Variants in PLD4 observed in about 807,000 individuals in gnomAD.
PLD4 encodes the protein phospholipase D family member 4.
In PLD4, 54 loss-of-function variants were observed where a neutral mutation model predicts 52.3. The observed-to-expected ratio is 1.03, with a 90% CI of 0.83 to 1.30. PLD4 has a LOEUF of 1.30. Ranked by LOEUF, PLD4 falls within the 50% of genes most tolerant of loss-of-function variation. The pLI is 0.00. For missense variants in PLD4, 731 were observed against 671.1 expected (o/e 1.09, Z -0.99); for synonymous variants, 264 against 286.5 (o/e 0.92, Z 0.79).
rs768977107 is a variant in PLD4, at chr14:104,927,824, A to C, written c.242A>C (p.Glu81Ala). Residue 81 changes from glutamate to alanine, a missense_variant, in exon 3 of 11, where the codon GAG becomes GCG. By Grantham distance (107) the Glu-to-Ala change is moderately radical. Coordinates refer to ENST00000392593, the MANE Select transcript of PLD4 (RefSeq NM_138790.5). ...SWEHGSSPAW[E>A]PLEAEARQQR... ...GAGCATGGCTCCAGCCCAGCTTGGGAGCCCCTGGAAGCAGAGGCCAGGCAG... is the reference window on the plus strand; with the variant it reads ...GAGCATGGCTCCAGCCCAGCTTGGGCGCCCCTGGAAGCAGAGGCCAGGCAG... The C allele has an allele frequency of 4.4e-6, 7 of 1,588,744 alleles. No individual in the cohort carries two copies. The Admixed American group carries it at 1.0e-4, about 23-fold the overall frequency.
intron 7 of PLD4, 54 bp downstream of exon 7, chr14:104,930,996 C>T: frequency 6.3e-7 from 1 of 1,582,840 alleles, no homozygotes; most frequent in Middle Eastern, 1.7e-4. Context: ...CCCTGGCTGG[C>T]CAGACCCACA....
chr14:104,931,637 G>T, intron 7 of PLD4, 111 bp from the exon 8 acceptor site: 1 of 1,389,044 alleles, frequency 7.2e-7, no homozygotes. Context: ...CCAGGCACCT[G>T]GGCCCCCTCC....
chr14:104,933,021 C>T lies in PLD4; in HGVS notation c.*57C>T. On this transcript the variant is annotated 3_prime_UTR_variant, in exon 11 of 11. Transcript: ENST00000392593. ...CCCGCACGCGCCCTCCCCTCTGACC[C>T]CGGCCTGGGCTTCAGCCGCTTCCTC... The T allele has an allele frequency of 6.8e-7, 1 of 1,475,838 alleles. No individual in the cohort carries two copies. Among genetic ancestry groups the T allele is most frequent in the Non-Finnish European group, 9.0e-7 (1 of 1,111,944 alleles). 91.4% of individuals were successfully genotyped at this position (1,475,838 alleles called of 1,614,324 possible). A position where few individuals can be genotyped will look rare whatever the true frequency, so the allele number is the denominator to read the frequency against.
intron 5 of PLD4, 74 bp from the exon 6 acceptor site, chr14:104,929,904 C>A: frequency 6.5e-7 from 1 of 1,549,520 alleles, no homozygotes; most frequent in South Asian, 1.2e-5. Flanking sequence ...CTGTCAAGAG[C>A]TTGGGGTCAG....
Position 104,930,244 on chromosome 14 carries a change from C to T in PLD4, c.717+139C>T, listed in dbSNP as rs548005155. 31 of 1,161,330 alleles carry T rather than the reference C, an allele frequency of 2.7e-5. No homozygotes were observed. In the East Asian group the frequency reaches 4.1e-4, roughly 15 times the overall value. 71.9% of individuals were successfully genotyped at this position (1,161,330 alleles called of 1,614,324 possible). ...TACAATTCACTATGGTAGAAACAAC[C>T]GGAGACTGGTCTAATAAATGATAGA... On this transcript the variant is annotated intron_variant, in intron 6 of 10. Transcript: ENST00000392593.
Position 104,929,331 on chromosome 14 carries a change from CA to C in PLD4, c.494del (p.Gln165ArgfsTer73). ...GGGAGAGGCTCTTCTGCAGAAGCTG[CA>C]GCAGCTGCTGGGCAGGAACATTTCC... The part of the protein sequence containing the change: ...QLGEALLQKL[Q>X]QLLGRNISLA... On this transcript the variant is annotated frameshift_variant, in exon 5 of 11. Transcript: ENST00000392593. LOFTEE classifies it high-confidence loss of function. The C allele has an allele frequency of 6.3e-7, 1 of 1,578,718 alleles. No individual in the cohort carries two copies. The highest frequency in any genetic ancestry group is 8.6e-7 in the Non-Finnish European group (1 of 1,162,686).
chr14:104,927,436 G>C (rs939879853), intron 2 of PLD4, among the ~76,000 whole-genome samples: 1 of 152,152 alleles, frequency 6.6e-6, no homozygotes, highest in Non-Finnish European at 1.5e-5. Context: ...CAGTTACCAC[G>C]AGCCACAGCA....
downstream of PLD4, chr14:104,937,126 T>C (rs1897830026): frequency 6.6e-6 from 1 of 152,200 alleles, no homozygotes; most frequent in Non-Finnish European, 1.5e-5. Context: ...GGATGATAGG[T>C]AGGCAACCAC....
intron 7 of PLD4, 72 bp downstream of exon 7, chr14:104,931,014 CT>C (rs1897627574): frequency 2.6e-6 from 4 of 1,539,564 alleles, no homozygotes. Context: ...ACAGGGAGCC[CT>C]CTGGGCTGGC....
rs1313455872 is a variant in PLD4 at position 104,928,905 on chromosome 14, C to T, written c.441C>T (p.Ile147=). ...ACTGGTCCCTCACAGGGCCTGACAT[C>T]GGGGTCAACGACTCGTCTTCCCAGC... ...SYYWSLTGPD[I]GVNDSSSQLG... The change falls in exon 4 of 11, where the codon ATC becomes ATT. Residue 147 remains isoleucine, a synonymous_variant. Transcript: ENST00000392593. 5.0e-6 allele frequency: 8 copies of T among 1,605,160 alleles called. No homozygotes were observed. The highest frequency in any genetic ancestry group is 1.1e-5 in the South Asian group (1 of 90,826).
chr14:104,931,814 G>T lies in PLD4; in HGVS notation c.985G>T (p.Gly329Trp). The change falls in exon 8 of 11, where the codon GGG becomes TGG. Residue 329 changes from glycine to tryptophan, a missense_variant. Transcript: ENST00000392593. ...RDLEALLAVM[G>W]SAQEFIYASV... The stretch of plus-strand genomic sequence containing the variant: ...CCTGGAGGCGCTGCTGGCGGTGATG[G>T]GGAGCGCCCAGGAGTTCATCTATGC... 6.3e-7 allele frequency: 1 copy of T among 1,580,036 alleles called. No individual in the cohort carries two copies. Among genetic ancestry groups the T allele is most frequent in the East Asian group, 2.3e-5 (1 of 43,666 alleles).
chr14:104,930,513 C>T (rs950676017), intron 6 of PLD4: 12 of 595,042 alleles, frequency 2.0e-5, no homozygotes, highest in Admixed American at 3.0e-5. Context: ...TTGTAATAAA[C>T]GTGTATTGCT....
intron 5 of PLD4, 90 bp from the exon 6 acceptor site, chr14:104,929,888 A>AC: frequency 6.8e-7 from 1 of 1,479,520 alleles, no homozygotes. Flanking sequence ...ATCTGAGTCA[A>AC]CCCCACTGTC....
chr14:104,924,885 G>A lies in PLD4; in HGVS notation c.-106G>A, dbSNP rs1029010500. On this transcript the variant is annotated 5_prime_UTR_variant, in exon 1 of 11. Transcript: ENST00000392593. The surrounding 1 kb of genome is among the most constrained non-coding windows in gnomAD (Gnocchi z 4.4). ...AGAGGAGGAGGTGAGCTGCAGAGAA[G>A]AGGAGGTTGGTGTGGAGCACAGGCA... 1 of 153,344 alleles carries A rather than the reference G, an allele frequency of 6.5e-6. No homozygotes were observed. Among genetic ancestry groups the A allele is most frequent in the South Asian group, 2.1e-4 (1 of 4,856 alleles). The allele number at this position is 153,344 out of a possible 1,614,324, so 9.5% of individuals were successfully genotyped here.
Position 104,932,622 on chromosome 14 carries a change from G to C in PLD4, c.1322-143G>C, listed in dbSNP as rs1234289452. 1 of 924,324 alleles carries C rather than the reference G, an allele frequency of 1.1e-6. No individual in the cohort carries two copies. 57.3% of individuals were successfully genotyped at this position (924,324 alleles called of 1,614,324 possible). ...GCTGTCCCTCCCGCACCTAAGCGAG[G>C]GGCTTCCCCGGCTGGAGTCTGATGA... On this transcript the variant is annotated intron_variant, in intron 10 of 10. Coordinates refer to ENST00000392593, the MANE Select transcript of PLD4 (RefSeq NM_138790.5). The surrounding 1 kb of genome is among the most constrained non-coding windows in gnomAD (Gnocchi z 6.5).
chr14:104,928,389 G>T (rs962568041), intron 3 of PLD4, among the ~76,000 whole-genome samples: 1 of 152,180 alleles, frequency 6.6e-6, no homozygotes, highest in African/African-American at 2.4e-5. Flanking sequence ...AGACTCCACA[G>T]CTCTGCTCTA....
chr14:104,929,063 G>A, intron 4 of PLD4, 131 bp downstream of exon 4: 1 of 1,298,808 alleles, frequency 7.7e-7, no homozygotes, highest in Non-Finnish European at 1.0e-6. Context: ...ATGGAACAGG[G>A]ATTAGGCCGC....
intron 6 of PLD4, among the ~76,000 whole-genome samples, chr14:104,930,317 A>C (rs747095898): frequency 5.9e-5 from 9 of 152,244 alleles, no homozygotes; most frequent in Non-Finnish European, 1.2e-4. Flanking sequence ...ATTCAATGAC[A>C]TGGAAAGATG....
chr14:104,926,990 C>G (rs1191626793), intron 1 of PLD4, 151 bp from the exon 2 acceptor site: 9 of 607,030 alleles, frequency 1.5e-5, no homozygotes, highest in East Asian at 6.7e-5. Flanking sequence ...CCCCCAACAT[C>G]CAGGGCGTGA....
Sources: allele counts gnomAD v4.1 joint callset (sites outside exome capture counted in the v4.1 genomes callset), GRCh38; gene constraint gnomAD v4.1.1; non-coding constraint Gnocchi (gnomAD v3.1); transcripts MANE v1.5; gene names NCBI Gene and HGNC (gene_info 2026-07-23, HGNC 2026-07-21).